BMP6: variants seen among roughly 807,000 people sequenced by gnomAD.
BMP6 encodes bone morphogenetic protein 6, also known as VG-1-R.
A neutral mutation model predicts 54.1 loss-of-function variants in BMP6; 17 were observed. The observed-to-expected ratio is 0.31, with a 90% confidence interval of 0.22 to 0.47. BMP6 has a LOEUF of 0.47. BMP6 is among the 20% of genes least tolerant of loss of function. BMP6 has a pLI of 1.00. For missense variants in BMP6, 720 were observed against 690.4 expected (o/e 1.04, Z -0.48); for synonymous variants, 328 against 291.2 (o/e 1.13, Z -1.28).
At chr6:7,864,009 C>T (rs1259148244) in intron 4 of BMP6, among the ~76,000 whole-genome samples, 2 of 112,686 alleles carry the variant, frequency 1.8e-5, no homozygotes, top group South Asian at 2.7e-4. Context: ...GAGACTCCAT[C>T]GAAAAAAAAA....
intron 1 of BMP6, among the ~76,000 whole-genome samples, chr6:7,813,108 A>AAAAAAATAT (rs1554122651): frequency 3.7e-4 from 8 of 21,494 alleles, no homozygotes; most frequent in Non-Finnish European, 4.6e-4. Context: ...AAAAAAAAAA[A>AAAAAAATAT]ATATATATAT....
intron 1 of BMP6, among the ~76,000 whole-genome samples, chr6:7,782,180 G>A (rs978525562): frequency 6.9e-6 from 1 of 144,580 alleles, no homozygotes; most frequent in Non-Finnish European, 1.6e-5. Context: ...AAGATGCACA[G>A]GCTTCCAGCT....
intron 1 of BMP6, among the ~76,000 whole-genome samples, chr6:7,832,359 C>G (rs1758806045): frequency 6.6e-6 from 1 of 152,124 alleles, no homozygotes; most frequent in African/African-American, 2.4e-5. Flanking sequence ...GATTAGTGCC[C>G]TTATTAAAGA....
At chr6:7,799,109 G>A (rs1013095295) in intron 1 of BMP6, among the ~76,000 whole-genome samples, 3 of 152,166 alleles carry the variant, frequency 2.0e-5, no homozygotes, top group African/African-American at 7.2e-5. Context: ...TGGCTACTGC[G>A]AATTCCAAGG....
At chr6:7,750,364 T>TG (rs1757404393) in intron 1 of BMP6, among the ~76,000 whole-genome samples, 2 of 152,112 alleles carry the variant, frequency 1.3e-5, no homozygotes, top group Non-Finnish European at 2.9e-5. Flanking sequence ...GAGATATGTT[T>TG]GGGGGAGTAT....
At chr6:7,814,566 C>A (rs1296699835) in intron 1 of BMP6, among the ~76,000 whole-genome samples, 1 of 152,144 alleles carries the variant, frequency 6.6e-6, no homozygotes, top group Admixed American at 6.6e-5. Context: ...GAATTCTTCA[C>A]TAATAACTGT....
At chr6:7,850,412 A>G (rs1759124795) in intron 2 of BMP6, among the ~76,000 whole-genome samples, 1 of 152,212 alleles carries the variant, frequency 6.6e-6, no homozygotes, top group South Asian at 2.1e-4. Context: ...GGTAATAAAC[A>G]TATATTCTTT....
chr6:7,853,117 C>T (rs760517446), intron 2 of BMP6, among the ~76,000 whole-genome samples: 1 of 152,082 alleles, frequency 6.6e-6, no homozygotes, highest in Non-Finnish European at 1.5e-5. Flanking sequence ...ACACAAGGCT[C>T]ACCTTAATGC....
At chr6:7,790,514 CAAAA>C (rs35572440) in intron 1 of BMP6, among the ~76,000 whole-genome samples, 24 of 73,500 alleles carry the variant, frequency 3.3e-4, no homozygotes, top group African/African-American at 1.5e-3. Context: ...GACCCTGTCT[CAAAA>C]AAAAAAAAAA....
intron 1 of BMP6, among the ~76,000 whole-genome samples, chr6:7,789,404 A>C (rs1481104439): frequency 6.6e-6 from 1 of 152,244 alleles, no homozygotes; most frequent in African/African-American, 2.4e-5. Context: ...TGTAGAGGAA[A>C]AGGTCAAAGA....
At chr6:7,778,575 G>T (rs1308159542) in intron 1 of BMP6, among the ~76,000 whole-genome samples, 1 of 151,488 alleles carries the variant, frequency 6.6e-6, no homozygotes, top group Non-Finnish European at 1.5e-5. Flanking sequence ...TTGTTTCTGT[G>T]GTGGTAAACT....
At chr6:7,759,982 G>A (rs2113140033) in intron 1 of BMP6, among the ~76,000 whole-genome samples, 1 of 151,538 alleles carries the variant, frequency 6.6e-6, no homozygotes, top group South Asian at 2.1e-4. Context: ...TGGGATTACA[G>A]GTGTGAGCCA....
At chr6:7,752,283 T>C (rs762084288) in intron 1 of BMP6, among the ~76,000 whole-genome samples, 31 of 152,330 alleles carry the variant, frequency 2.0e-4, no homozygotes, top group Admixed American at 5.2e-4. Context: ...GGTGGCTGGC[T>C]CATGAGCTGT....
intron 1 of BMP6, among the ~76,000 whole-genome samples, chr6:7,788,404 A>G (rs564679483): frequency 7.2e-5 from 11 of 152,318 alleles, no homozygotes; most frequent in African/African-American, 2.6e-4. Flanking sequence ...AGTGTATGCT[A>G]TTGTGTGCTG....
intron 1 of BMP6, among the ~76,000 whole-genome samples, chr6:7,794,439 A>T (rs1036604685): frequency 2.6e-5 from 4 of 152,000 alleles, no homozygotes; most frequent in Non-Finnish European, 5.9e-5. Flanking sequence ...TCTACTAAAA[A>T]TTTTTTTAAA....
Position 7,869,241 on chromosome 6 carries a change from T to A in BMP6, c.1204+6743T>A, listed in dbSNP as rs922250652. 1.1e-4 allele frequency among the ~76,000 whole-genome samples: 16 copies of A among 152,372 alleles called. 1 individual carries two copies. The highest frequency in any genetic ancestry group is 3.8e-4 in the African/African-American group (16 of 41,592). ...CCTTCTCCTCTGGGTCTCATACCTA[T>A]GGGCCTCTCCTGGCCTCCAGTGCCA... On this transcript the variant is annotated intron_variant, in intron 4 of 6. Coordinates refer to ENST00000283147, the MANE Select transcript of BMP6 (RefSeq NM_001718.6).
chr6:7,750,478 A>G (rs1424368980), intron 1 of BMP6, among the ~76,000 whole-genome samples: 1 of 152,244 alleles, frequency 6.6e-6, no homozygotes, highest in African/African-American at 2.4e-5. Flanking sequence ...TGTGCAGTGC[A>G]GTGTTTTAGC....
At chr6:7,870,773 A>T (rs565754896) in intron 4 of BMP6, among the ~76,000 whole-genome samples, 19 of 152,220 alleles carry the variant, frequency 1.2e-4, no homozygotes, top group Non-Finnish European at 2.8e-4. Context: ...GACTACAGGC[A>T]TGTGCCATCA....
intron 1 of BMP6, among the ~76,000 whole-genome samples, chr6:7,771,381 AGTT>A (rs1455986008): frequency 6.6e-6 from 1 of 152,084 alleles, no homozygotes; most frequent in African/African-American, 2.4e-5. Flanking sequence ...CTGTGCCTAG[AGTT>A]GTTCTGCACT....
Sources: gnomAD v4.1 joint callset for allele counts (sites outside exome capture counted in the v4.1 genomes callset) on GRCh38, gnomAD v4.1.1 for gene constraint, MANE v1.5 for transcripts, NCBI Gene and HGNC (gene_info 2026-07-23, HGNC 2026-07-21) for gene names.